Variants in SCYL2 observed in about 807,000 individuals in gnomAD.
SCYL2 encodes the protein SCY1 like pseudokinase 2.
SCYL2 carries 36 observed loss-of-function variants against 100.4 expected under a neutral mutation model. The ratio of observed to expected loss-of-function variants is 0.36; its 90% CI spans 0.27 to 0.47. The LOEUF is 0.47. Ranked by LOEUF, SCYL2 falls within the 20% of genes least tolerant of loss-of-function variation. The pLI, the probability that SCYL2 is intolerant of heterozygous loss-of-function variation, is 1.00. For missense variants in SCYL2, 902 were observed against 1,083.9 expected (o/e 0.83, Z 2.36); for synonymous variants, 330 against 359.2 (o/e 0.92, Z 0.92).
At chr12:100,315,485 C>G in intron 8 of SCYL2, 73 bp from the exon 9 acceptor site, 1 of 1,257,502 alleles carries the variant, frequency 8.0e-7, no homozygotes, top group South Asian at 1.7e-5. Context: ...AGGTTTTAGA[C>G]CTTAGTGTTA....
chr12:100,335,731 C>T, intron 15 of SCYL2, 40 bp downstream of exon 15: 1 of 1,588,588 alleles, frequency 6.3e-7, no homozygotes, highest in Non-Finnish European at 8.6e-7. Flanking sequence ...TATGCTTCAT[C>T]TGGAGGGCTT....
intron 11 of SCYL2, among the ~76,000 whole-genome samples, chr12:100,325,321 G>T (rs775949216): frequency 3.7e-4 from 57 of 152,190 alleles, no homozygotes; most frequent in Admixed American, 5.2e-4. Context: ...GTGAATTGCT[G>T]CCCAGTTATA....
rs1001938645 is a variant in SCYL2 at position 100,313,526 on chromosome 12, T to C, written c.957T>C (p.Asp319=). The change falls in exon 7 of 18, where the codon GAT becomes GAC. Residue 319 remains aspartate, a synonymous_variant. Coordinates refer to ENST00000360820, the MANE Select transcript of SCYL2 (RefSeq NM_017988.6). ...CTCCGACTGTAAGACCAGATGCAGA[T>C]CAAATGACAAAGGTGAGTACATGTG... ...NVTPTVRPDA[D]QMTKIPFFDD... The C allele has an allele frequency of 1.1e-5, 17 of 1,579,274 alleles. No individual in the cohort carries two copies. Among genetic ancestry groups the C allele is most frequent in the African/African-American group, 2.7e-5 (2 of 74,200 alleles).
intron 2 of SCYL2, among the ~76,000 whole-genome samples, chr12:100,291,114 T>C (rs2135850231): frequency 6.6e-6 from 1 of 152,330 alleles, no homozygotes; most frequent in East Asian, 1.9e-4. Flanking sequence ...TTACAACCTT[T>C]CTTTCAAAAA....
At chr12:100,322,669 G>A (rs1216215254) in intron 10 of SCYL2, among the ~76,000 whole-genome samples, 2 of 152,050 alleles carry the variant, frequency 1.3e-5, no homozygotes, top group East Asian at 3.9e-4. Context: ...GACCAGCCTG[G>A]CCAGTATGGT....
intron 3 of SCYL2, among the ~76,000 whole-genome samples, chr12:100,295,629 A>G (rs2096318988): frequency 6.6e-6 from 1 of 152,274 alleles, no homozygotes; most frequent in South Asian, 2.1e-4. Flanking sequence ...GGGAGGTTGC[A>G]GTGAGCCGAG....
At chr12:100,322,372 CAAA>C (rs34959294) in intron 10 of SCYL2, among the ~76,000 whole-genome samples, 2 of 61,820 alleles carry the variant, frequency 3.2e-5, no homozygotes, top group African/African-American at 1.1e-4. Flanking sequence ...GACTCCGTCT[CAAA>C]AAAAAAAAAA....
chr12:100,282,568 G>A (rs1018949522), intron 1 of SCYL2, among the ~76,000 whole-genome samples: 11 of 151,978 alleles, frequency 7.2e-5, no homozygotes, highest in African/African-American at 7.2e-5. Context: ...CAGGTGATCC[G>A]CTTGCCTTGG....
At chr12:100,278,002 A>G (rs187058044) in intron 1 of SCYL2, among the ~76,000 whole-genome samples, 55 of 152,280 alleles carry the variant, frequency 3.6e-4, no homozygotes, top group African/African-American at 1.3e-3. Context: ...TCTTTAAAAA[A>G]TATACTTATA....
intron 4 of SCYL2, among the ~76,000 whole-genome samples, chr12:100,302,090 C>T (rs936041507): frequency 1.3e-5 from 2 of 152,178 alleles, no homozygotes; most frequent in Non-Finnish European, 2.9e-5. Context: ...TTAAAACTGC[C>T]TGGTGCTGTA....
rs1315179512 is a variant in SCYL2 at position 100,308,466 on chromosome 12, A to T, written c.481-2578A>T. ...AACACATGGACACTGGGAGGGGAGC[A>T]TCACACACTGGGGCCTGTCCGGGGG... On this transcript the variant is annotated intron_variant, in intron 4 of 17. Coordinates refer to ENST00000360820, the MANE Select transcript of SCYL2 (RefSeq NM_017988.6). 2.0e-5 allele frequency among the ~76,000 whole-genome samples: 3 copies of T among 152,164 alleles called. No homozygotes were observed. The East Asian group carries it at 5.8e-4, about 29-fold the overall frequency.
intron 3 of SCYL2, among the ~76,000 whole-genome samples, chr12:100,292,171 TG>T (rs1356311173): frequency 1.3e-5 from 2 of 152,194 alleles, no homozygotes; most frequent in African/African-American, 4.8e-5. Context: ...GACAAGAAAA[TG>T]AAATTTATGT....
chr12:100,327,406 A>C (rs1307298873), intron 12 of SCYL2, among the ~76,000 whole-genome samples: 1 of 152,238 alleles, frequency 6.6e-6, no homozygotes, highest in Non-Finnish European at 1.5e-5. Flanking sequence ...AAGTTATAGA[A>C]GTCCAATCTG....
chr12:100,294,566 C>T (rs560888026), intron 3 of SCYL2, among the ~76,000 whole-genome samples: 124 of 127,008 alleles, frequency 9.8e-4, no homozygotes, highest in Non-Finnish European at 1.8e-3. Flanking sequence ...GCTGGCCGGG[C>T]GGGGGCTGAC....
At position 100,340,368 on chromosome 12, in the gene SCYL2, C is replaced by G. The variant is rs1010809212; in HGVS notation, c.*1196C>G. ...TTCTCTGATATTTTTCTTTAATTTG[C>G]TGATTATTCAACCACAGAGCCTTAT... is the stretch of plus-strand genomic sequence containing the variant. On this transcript the variant is annotated 3_prime_UTR_variant, in exon 18 of 18. Coordinates refer to ENST00000360820, the MANE Select transcript of SCYL2 (RefSeq NM_017988.6). 6.6e-6 allele frequency: 1 copy of G among 151,990 alleles called. No individual in the cohort carries two copies. Among genetic ancestry groups the G allele is most frequent in the African/African-American group, 2.4e-5 (1 of 41,412 alleles). The allele number at this position is 151,990 out of a possible 1,614,324, so 9.4% of individuals were successfully genotyped here.
intron 15 of SCYL2, 35 bp downstream of exon 15, chr12:100,335,726 T>C: frequency 1.3e-6 from 2 of 1,594,816 alleles, no homozygotes; most frequent in Non-Finnish European, 1.7e-6. Flanking sequence ...GAAAGTATGC[T>C]TCATCTGGAG....
chr12:100,339,244 G>A lies in SCYL2; in HGVS notation c.*72G>A. 6.8e-7 allele frequency: 1 copy of A among 1,466,286 alleles called. No homozygotes were observed. Among genetic ancestry groups the A allele is most frequent in the Non-Finnish European group, 9.2e-7 (1 of 1,084,320 alleles). 90.8% of individuals were successfully genotyped at this position (1,466,286 alleles called of 1,614,324 possible). On this transcript the variant is annotated 3_prime_UTR_variant, in exon 18 of 18. Coordinates refer to ENST00000360820, the MANE Select transcript of SCYL2 (RefSeq NM_017988.6). ...GTGAGCTGATTTACATCTTTATATA[G>A]TTGGCTTGGAGGAAGTACTTCTATG...
intron 13 of SCYL2, among the ~76,000 whole-genome samples, chr12:100,333,200 G>T (rs1310328106): frequency 1.3e-5 from 2 of 151,978 alleles, no homozygotes. Context: ...TTGGAAACAT[G>T]CCTTTTGACT....
intron 4 of SCYL2, among the ~76,000 whole-genome samples, chr12:100,301,067 A>G (rs1473561257): frequency 1.3e-5 from 2 of 152,044 alleles, no homozygotes; most frequent in East Asian, 1.9e-4. Flanking sequence ...TTTTTGAAGA[A>G]CCTCCAAATT....
Sources: allele counts gnomAD v4.1 joint callset (sites outside exome capture counted in the v4.1 genomes callset), GRCh38; gene constraint gnomAD v4.1.1; transcripts MANE v1.5; gene names NCBI Gene and HGNC (gene_info 2026-07-23, HGNC 2026-07-21).